Variants in ULK4 observed in about 807,000 individuals in gnomAD.
ULK4 encodes the protein inactive serine/threonine-protein kinase ULK4.
ULK4 carries 133 observed loss-of-function variants against 160.6 expected under a neutral mutation model. The observed-to-expected ratio is 0.83, with a 90% CI of 0.72 to 0.96. The LOEUF (loss-of-function observed/expected upper bound fraction) is 0.96. Ranked by LOEUF, ULK4 falls within the 40% of genes least tolerant of loss-of-function variation. The probability of loss-of-function intolerance (pLI) is 0.00; values close to 1 mark genes in which losing one functional copy is unlikely to be tolerated. For synonymous variants in ULK4, 534 were observed against 539.8 expected (o/e 0.99, Z 0.15); for missense variants, 1,580 against 1,499.5 (o/e 1.05, Z -0.89).
At chr3:41,577,813 G>A (rs2088247703) in intron 31 of ULK4, among the ~76,000 whole-genome samples, 1 of 152,144 alleles carries the variant, frequency 6.6e-6, no homozygotes, top group Non-Finnish European at 1.5e-5. Context: ...AATCACATCA[G>A]GGCTTATAGA....
intron 31 of ULK4, among the ~76,000 whole-genome samples, chr3:41,571,393 A>T (rs2087968322): frequency 6.6e-6 from 1 of 152,230 alleles, no homozygotes; most frequent in Admixed American, 6.5e-5. Context: ...GCATACTTCT[A>T]TTAACTTGTA....
At chr3:41,247,103 G>A in intron 36 of ULK4, 111 bp from the exon 37 acceptor site, 1 of 1,025,106 alleles carries the variant, frequency 9.8e-7, no homozygotes, top group Non-Finnish European at 1.5e-6. Context: ...TGGACCAGCT[G>A]CAGCATCCTC....
At chr3:41,710,498 A>G (rs559667839) in intron 25 of ULK4, among the ~76,000 whole-genome samples, 20 of 152,292 alleles carry the variant, frequency 1.3e-4, no homozygotes, top group South Asian at 1.2e-3. Context: ...AACTAGCATT[A>G]AGATTTGTCA....
chr3:41,905,770 A>C (rs1575922971), intron 12 of ULK4, among the ~76,000 whole-genome samples: 2 of 152,164 alleles, frequency 1.3e-5, no homozygotes, highest in East Asian at 3.9e-4. Flanking sequence ...AACACCACTA[A>C]GACATAGAAA....
intron 35 of ULK4, among the ~76,000 whole-genome samples, chr3:41,332,502 A>C (rs1335726025): frequency 6.6e-6 from 1 of 152,232 alleles, no homozygotes; most frequent in East Asian, 1.9e-4. Flanking sequence ...TCAACGGGTT[A>C]AGTCTGTACT....
At chr3:41,518,670 C>T (rs899102662) in intron 32 of ULK4, among the ~76,000 whole-genome samples, 2 of 152,060 alleles carry the variant, frequency 1.3e-5, no homozygotes, top group African/African-American at 4.8e-5. Context: ...CTCTCTAAAA[C>T]TAAGGATATA....
At chr3:41,724,654 C>T (rs2037586859) in intron 22 of ULK4, among the ~76,000 whole-genome samples, 1 of 151,982 alleles carries the variant, frequency 6.6e-6, no homozygotes, top group African/African-American at 2.4e-5. Context: ...ACCCGGGAGG[C>T]AGAGCTTGCA....
At chr3:41,672,786 C>A (rs1032488921) in intron 29 of ULK4, among the ~76,000 whole-genome samples, 1 of 152,146 alleles carries the variant, frequency 6.6e-6, no homozygotes. Context: ...ACATTCCATG[C>A]ATGGAACAAA....
intron 22 of ULK4, among the ~76,000 whole-genome samples, chr3:41,749,687 T>C (rs1187507191): frequency 1.3e-5 from 2 of 152,126 alleles, no homozygotes; most frequent in Non-Finnish European, 2.9e-5. Flanking sequence ...AGCATCTGTA[T>C]TGGGAAGTGA....
chr3:41,323,460 G>A (rs1271652357), intron 35 of ULK4, among the ~76,000 whole-genome samples: 3 of 139,426 alleles, frequency 2.2e-5, no homozygotes, highest in Admixed American at 7.2e-5. Flanking sequence ...AAAAACAGAG[G>A]CATGGTACTT....
intron 2 of ULK4, among the ~76,000 whole-genome samples, chr3:41,948,980 C>T (rs1478709251): frequency 6.6e-6 from 1 of 150,844 alleles, no homozygotes; most frequent in Non-Finnish European, 1.5e-5. Flanking sequence ...AAAATTAACT[C>T]TGTTTGCAAA....
intron 17 of ULK4, among the ~76,000 whole-genome samples, chr3:41,854,401 C>T (rs9828398): frequency 0.31 from 47,812 of 151,926 alleles, 11,062 homozygotes; most frequent in African/African-American, 0.66. Flanking sequence ...GGTTCTCTGA[C>T]CACAGTGGAA....
intron 34 of ULK4, among the ~76,000 whole-genome samples, chr3:41,453,937 A>G (rs1400764109): frequency 1.3e-5 from 2 of 149,636 alleles, no homozygotes; most frequent in Non-Finnish European, 3.0e-5. Flanking sequence ...ACAAAAAACC[A>G]AACACCACAT....
At chr3:41,760,481 A>G (rs2125905799) in intron 21 of ULK4, among the ~76,000 whole-genome samples, 1 of 152,316 alleles carries the variant, frequency 6.6e-6, no homozygotes, top group South Asian at 2.1e-4. Flanking sequence ...AAATAGCAAT[A>G]TTTAGTTATA....
intron 18 of ULK4, among the ~76,000 whole-genome samples, chr3:41,823,616 G>A (rs572640058): frequency 8.5e-5 from 13 of 152,152 alleles, no homozygotes; most frequent in Admixed American, 2.0e-4. Context: ...ACAAGACTCA[G>A]GTTGTTGTAT....
In ULK4 at chr3:41,294,611, A is replaced by G. The variant is rs577118599; in HGVS notation, c.3679-45037T>C. On this transcript the variant is annotated intron_variant, in intron 35 of 36. Transcript: ENST00000301831. ...CTGGTCAAAATGGCCGGCAGTAGTGATGTGAAAAGTCCCCCTTTTGTCCAA... is the reference window on the plus strand; with the variant it reads ...CTGGTCAAAATGGCCGGCAGTAGTGGTGTGAAAAGTCCCCCTTTTGTCCAA... Among the ~76,000 whole-genome samples, 91 of 152,328 alleles carry G rather than the reference A, an allele frequency of 6.0e-4. 1 individual carries two copies. The highest frequency in any genetic ancestry group is 1.8e-3 in the Admixed American group (27 of 15,296).
intron 35 of ULK4, among the ~76,000 whole-genome samples, chr3:41,309,919 T>G (rs1205240250): frequency 6.6e-6 from 1 of 151,788 alleles, no homozygotes; most frequent in African/African-American, 2.4e-5. Context: ...AAATGACACA[T>G]TTTAGAGGTA....
At chr3:41,580,359 A>C (rs1575444087) in intron 31 of ULK4, among the ~76,000 whole-genome samples, 1 of 151,798 alleles carries the variant, frequency 6.6e-6, no homozygotes, top group South Asian at 2.1e-4. Flanking sequence ...ACAAATAACA[A>C]GTTAAACCAA....
At chr3:41,800,722 A>G (rs1402710183) in intron 19 of ULK4, among the ~76,000 whole-genome samples, 2 of 152,228 alleles carry the variant, frequency 1.3e-5, no homozygotes, top group Non-Finnish European at 2.9e-5. Flanking sequence ...AGCACCGATC[A>G]ATCAGAGTGG....
Sources: allele counts gnomAD v4.1 joint callset (sites outside exome capture counted in the v4.1 genomes callset), GRCh38; gene constraint gnomAD v4.1.1; transcripts MANE v1.5; gene names NCBI Gene and HGNC (gene_info 2026-07-23, HGNC 2026-07-21).